Variants in TRMT13 observed in about 807,000 individuals in gnomAD.
The protein encoded by TRMT13 is tRNA:m(4)X modification enzyme TRM13 homolog.
In TRMT13, 45 loss-of-function variants were observed where a neutral mutation model predicts 55.9. That is an observed-to-expected ratio of 0.80 (90% CI 0.63 to 1.03). The LOEUF (loss-of-function observed/expected upper bound fraction) is 1.03, where lower values mean the gene tolerates loss of function less well. Among genes scored for constraint, TRMT13 ranks in the 50% least tolerant of loss-of-function variants. The pLI is 0.00. For synonymous variants in TRMT13, 183 were observed against 196.3 expected, an observed-to-expected ratio of 0.93 and a Z score of 0.57; for missense variants, 513 against 563.9, an observed-to-expected ratio of 0.91 and a Z score of 0.91.
At chr1:100,138,418 T>C (rs1393747864) in intron 3 of TRMT13, among the ~76,000 whole-genome samples, 1 of 152,244 alleles carries the variant, frequency 6.6e-6, no homozygotes, top group Admixed American at 6.5e-5. Flanking sequence ...TTTTCTATTA[T>C]AGTTTTTTTC....
At chr1:100,144,366 G>A in intron 9 of TRMT13, 1 of 427,672 alleles carries the variant, frequency 2.3e-6, no homozygotes, top group Non-Finnish European at 4.2e-6. Flanking sequence ...TGTAAATACT[G>A]CATCACATTA....
chr1:100,145,614 T>A (rs749425017), intron 9 of TRMT13, among the ~76,000 whole-genome samples: 6 of 152,208 alleles, frequency 3.9e-5, no homozygotes, highest in Non-Finnish European at 8.8e-5. Flanking sequence ...CCAGGCACAG[T>A]GGCTTATGCC....
At chr1:100,136,542 G>A (rs1655896952) in intron 1 of TRMT13, among the ~76,000 whole-genome samples, 1 of 152,006 alleles carries the variant, frequency 6.6e-6, no homozygotes, top group Admixed American at 6.5e-5. Flanking sequence ...CATGAAATAG[G>A]CAGCATTTTT....
intron 9 of TRMT13, 29 bp from the exon 10 acceptor site, chr1:100,147,865 T>C (rs757632416): frequency 6.5e-7 from 1 of 1,550,032 alleles, no homozygotes; most frequent in African/African-American, 1.4e-5. Context: ...ATGATGTGGT[T>C]TGGGGGGGCC....
chr1:100,137,023 G>A lies in TRMT13; in HGVS notation c.199G>A (p.Val67Ile), dbSNP rs1190396033. 1 of 1,612,558 alleles carries A rather than the reference G, an allele frequency of 6.2e-7. No homozygotes were observed. Among genetic ancestry groups the A allele is most frequent in the Admixed American group, 1.7e-5 (1 of 59,756 alleles). ...TAATTTTCTCTTTAAATTTAGCACA[G>A]TATATGAAGATCAACTAGCAAAGCA... ...ILCPLDPKHT[V>I]YEDQLAKHLK... Residue 67 changes from valine to isoleucine, a missense_variant, in exon 3 of 11, where the codon GTA becomes ATA. By Grantham distance (29) the Val-to-Ile change is conservative (BLOSUM62 3). Around this residue, in one of 3 missense-constraint regions of TRMT13, gnomAD observed 298 missense variants for 290.3 expected, o/e 1.03. Coordinates refer to ENST00000370141, the MANE Select transcript of TRMT13 (RefSeq NM_019083.3).
chr1:100,134,317 A>C (rs563880946), intron 1 of TRMT13, among the ~76,000 whole-genome samples: 1 of 152,348 alleles, frequency 6.6e-6, no homozygotes, highest in Non-Finnish European at 1.5e-5. Context: ...GCTCATAGGA[A>C]GAGAGCATGT....
At position 100,140,523 on chromosome 1, in the gene TRMT13, A is replaced by G. The variant is rs754700215; in HGVS notation, c.501+9A>G. 1 of 1,584,644 alleles carries G rather than the reference A, an allele frequency of 6.3e-7. No homozygotes were observed. Among genetic ancestry groups the G allele is most frequent in the African/African-American group, 1.3e-5 (1 of 74,276 alleles). On this transcript the variant is annotated intron_variant, in intron 6 of 10. Coordinates refer to ENST00000370141, the MANE Select transcript of TRMT13 (RefSeq NM_019083.3). ...AGCACCTGAAACAGCAGGTATGTTT[A>G]GGCTATAGTAACTACTAAACATGGC... is the stretch of plus-strand genomic sequence containing the variant.
chr1:100,140,800 T>C, intron 6 of TRMT13, 52 bp from the exon 7 acceptor site: 1 of 1,530,558 alleles, frequency 6.5e-7, no homozygotes, highest in Non-Finnish European at 8.9e-7. Flanking sequence ...TTTTCCCATT[T>C]GAACCAAATG....
In TRMT13 at chr1:100,136,930, T is replaced by TG. The variant is rs751207186; in HGVS notation, c.194+2_194+3insG. 1 of 1,603,962 alleles carries TG rather than the reference T, an allele frequency of 6.2e-7. No homozygotes were observed. Among genetic ancestry groups the TG allele is most frequent in the Non-Finnish European group, 8.5e-7 (1 of 1,176,772 alleles). ...CCTGTGTCCTTTAGATCCAAAACAG[T>TG]AAGTGTGGATCAGATACGGGTTTTT... On this transcript the variant is annotated splice_region_variant and intron_variant, in intron 2 of 10. Transcript: ENST00000370141.
chr1:100,146,467 A>G (rs1336888200), intron 9 of TRMT13, among the ~76,000 whole-genome samples: 1 of 152,134 alleles, frequency 6.6e-6, no homozygotes, highest in East Asian at 1.9e-4. Context: ...GAATTGAGAT[A>G]AATTGCTAAA....
chr1:100,133,350 A>G (rs1014354047), intron 1 of TRMT13, 35 bp downstream of exon 1: 10 of 1,607,358 alleles, frequency 6.2e-6, no homozygotes, highest in African/African-American at 4.0e-5. Flanking sequence ...AGAGTCGGAA[A>G]TAAGTATCCT....
intron 1 of TRMT13, among the ~76,000 whole-genome samples, chr1:100,134,062 T>C (rs1226213575): frequency 6.6e-6 from 1 of 151,512 alleles, no homozygotes; most frequent in East Asian, 1.9e-4. Flanking sequence ...ACAGCCAGAC[T>C]GAATCTCAAA....
At position 100,149,974 on chromosome 1, in the gene TRMT13, CAT is replaced by C. The variant is rs969267214; in HGVS notation, c.*1159_*1160del. The stretch of plus-strand genomic sequence containing the variant: ...AATTTAAAATTCCTGACTTTAGTCT[CAT>C]ATATCTTGTCAGACTGTCTCGGTTC... On this transcript the variant is annotated 3_prime_UTR_variant, in exon 11 of 11. Transcript: ENST00000370141. 3 of 152,558 alleles carry C rather than the reference CAT, an allele frequency of 2.0e-5. No homozygotes were observed. Among genetic ancestry groups the C allele is most frequent in the Non-Finnish European group, 4.4e-5 (3 of 68,366 alleles). 9.5% of individuals were successfully genotyped at this position (152,558 alleles called of 1,614,324 possible).
chr1:100,144,013 G>T (rs754596566), intron 8 of TRMT13, 56 bp from the exon 9 acceptor site: 11 of 1,430,114 alleles, frequency 7.7e-6, no homozygotes, highest in Non-Finnish European at 8.8e-6. Context: ...CTTTTGGAAG[G>T]CCACATTAAT....
At chr1:100,143,370 G>A (rs1302375411) in intron 8 of TRMT13, among the ~76,000 whole-genome samples, 161 bp downstream of exon 8, 1 of 152,160 alleles carries the variant, frequency 6.6e-6, no homozygotes, top group East Asian at 1.9e-4. Flanking sequence ...TTAAATAGAT[G>A]TAAATTGAAT....
intron 2 of TRMT13, 26 bp downstream of exon 2, chr1:100,136,954 T>C: frequency 6.2e-7 from 1 of 1,600,646 alleles, no homozygotes; most frequent in Non-Finnish European, 8.5e-7. Flanking sequence ...ATACGGGTTT[T>C]TTTTTGTGCT....
In TRMT13 at chr1:100,145,305, T is replaced by C. The variant is rs1208581678; in HGVS notation, c.817+1162T>C. ...CATGACTGTACTTTTGCATACCTTA[T>C]CTCATTTAAGCCTCATAAAAGTCTT... is the stretch of plus-strand genomic sequence containing the variant. On this transcript the variant is annotated intron_variant, in intron 9 of 10. Transcript: ENST00000370141. Among the ~76,000 whole-genome samples the C allele has an allele frequency of 4.6e-5, 7 of 152,176 alleles. No homozygotes were observed. The East Asian group carries it at 1.2e-3, about 25-fold the overall frequency.
At chr1:100,144,743 G>A (rs1657021515) in intron 9 of TRMT13, among the ~76,000 whole-genome samples, 1 of 152,072 alleles carries the variant, frequency 6.6e-6, no homozygotes, top group East Asian at 1.9e-4. Flanking sequence ...ATAAAACAGA[G>A]ATACTAATAT....
At position 100,148,686 on chromosome 1, in the gene TRMT13, G is replaced by T; in HGVS notation, c.1312G>T (p.Gly438Cys). 1 of 1,613,186 alleles carries T rather than the reference G, an allele frequency of 6.2e-7. No homozygotes were observed. The highest frequency in any genetic ancestry group is 8.5e-7 in the Non-Finnish European group (1 of 1,179,750). Residue 438 changes from glycine to cysteine, a missense_variant, in exon 11 of 11, where the codon GGT (glycine) becomes TGT (cysteine). Physicochemically the swap from Gly to Cys is radical, Grantham distance 159 (BLOSUM62 -3). Transcript: ENST00000370141. Reference protein sequence around the residue: ...GHLCKLLIDQGRIQYLQQKGF... With the variant: ...GHLCKLLIDQCRIQYLQQKGF... Reference sequence around the variant, plus strand: ...TCTTTGTAAATTGCTGATTGACCAAGGTCGAATCCAGTATTTGCAGCAGAA... The same window carrying T: ...TCTTTGTAAATTGCTGATTGACCAATGTCGAATCCAGTATTTGCAGCAGAA...
Sources: allele counts gnomAD v4.1 joint callset (sites outside exome capture counted in the v4.1 genomes callset), GRCh38; gene constraint gnomAD v4.1.1; regional missense constraint gnomAD v4.1.1; transcripts MANE v1.5; gene names NCBI Gene and HGNC (gene_info 2026-07-23, HGNC 2026-07-21).